SDK2: variants seen among roughly 807,000 people sequenced by gnomAD.
The protein encoded by SDK2 is sidekick cell adhesion molecule 2.
Under a neutral mutation model 253.9 loss-of-function variants are expected in SDK2, and 105 were observed. The ratio of observed to expected loss-of-function variants is 0.41; its 90% CI spans 0.35 to 0.49. The LOEUF is 0.49. Among genes scored for constraint, SDK2 ranks in the 20% least tolerant of loss-of-function variants. SDK2 has a pLI of 0.06. For synonymous variants in SDK2, 1,249 were observed against 1,234.9 expected (o/e 1.01, Z -0.24); for missense variants, 2,608 against 3,003.0 (o/e 0.87, Z 3.07).
chr17:73,386,110 A>T (rs889308393), intron 31 of SDK2, among the ~76,000 whole-genome samples, 193 bp from the exon 32 acceptor site: 1 of 152,082 alleles, frequency 6.6e-6, no homozygotes, highest in Non-Finnish European at 1.5e-5. Context: ...CTGTGAGCTG[A>T]CTCAGCCCAA....
In SDK2 at chr17:73,642,311, A is replaced by C. The variant is rs1462566918; in HGVS notation, c.64+1714T>G. On this transcript the variant is annotated intron_variant, in intron 1 of 44. Transcript: ENST00000392650. This position sits in a 1 kb window ranked among gnomAD's most constrained non-coding sequence, Gnocchi z 4.7. ...AATTGGTGAGCCACCTGCCCAGGGAAATCATACCATTGTTGAAAAGTCTGT... is the reference window on the plus strand; with the variant it reads ...AATTGGTGAGCCACCTGCCCAGGGACATCATACCATTGTTGAAAAGTCTGT... Among the ~76,000 whole-genome samples, 1 of 152,198 alleles carries C rather than the reference A, an allele frequency of 6.6e-6. No homozygotes were observed. The highest frequency in any genetic ancestry group is 1.5e-5 in the Non-Finnish European group (1 of 68,034).
At chr17:73,389,286 C>T (rs7223655) in intron 29 of SDK2, among the ~76,000 whole-genome samples, 51,613 of 148,602 alleles carry the variant, frequency 0.35, 10,289 homozygotes, top group African/African-American at 0.55. Flanking sequence ...CAGGTTCAAG[C>T]GATTCTTTTG....
chr17:73,614,176 C>CTG lies in SDK2; in HGVS notation c.64+29848_64+29849insCA, dbSNP rs2046017616. Among the ~76,000 whole-genome samples the CTG allele has an allele frequency of 3.3e-5, 5 of 152,204 alleles. No individual in the cohort carries two copies. The South Asian group carries it at 1.0e-3, about 32-fold the overall frequency. ...TTCATTTCCCAAGCATGCCAGGGCC[C>CTG]TTGCAGCCTCTAGGCCTTTGCCCTG... On this transcript the variant is annotated intron_variant, in intron 1 of 44. Coordinates refer to ENST00000392650, the MANE Select transcript of SDK2 (RefSeq NM_001144952.2).
At position 73,610,460 on chromosome 17, in the gene SDK2, G is replaced by C. The variant is rs188463087; in HGVS notation, c.64+33565C>G. ...AATTTTGGCCCAGCACGCATTCCAA[G>C]TGGCTGCAAATCCCAGTGACAGCAT... On this transcript the variant is annotated intron_variant, in intron 1 of 44. Coordinates refer to ENST00000392650, the MANE Select transcript of SDK2 (RefSeq NM_001144952.2). Among the ~76,000 whole-genome samples the C allele has an allele frequency of 8.5e-5, 13 of 152,316 alleles. No individual in the cohort carries two copies. The East Asian group carries it at 2.5e-3, about 29-fold the overall frequency.
rs1175644296 is a variant in SDK2 at position 73,390,467 on chromosome 17, G to A, written c.4012C>T (p.His1338Tyr). Residue 1338 changes from histidine to tyrosine, a missense_variant, in exon 29 of 45, where the codon CAC becomes TAC. Transcript: ENST00000392650. ...NGIILAYQIT[H>Y]RLNTTTANTA... is the part of the protein sequence containing the mutation. ...TTGGCCGTGGTGGTGTTGAGCCGGTGTGTGATCTGGTAAGCTGTGGGAAGG... is the reference window on the plus strand; with the variant it reads ...TTGGCCGTGGTGGTGTTGAGCCGGTATGTGATCTGGTAAGCTGTGGGAAGG... 1 of 1,611,900 alleles carries A rather than the reference G, an allele frequency of 6.2e-7. No individual in the cohort carries two copies. The highest frequency in any genetic ancestry group is 8.5e-7 in the Non-Finnish European group (1 of 1,178,902).
chr17:73,456,095 C>G (rs1348749064), intron 3 of SDK2, 42 bp from the exon 4 acceptor site: 1 of 1,446,064 alleles, frequency 6.9e-7, no homozygotes, highest in Non-Finnish European at 9.1e-7. Context: ...GGCGGGAGGT[C>G]AGCCTCAGGG....
chr17:73,388,469 G>A (rs570718456), intron 29 of SDK2, among the ~76,000 whole-genome samples: 13 of 152,148 alleles, frequency 8.5e-5, no homozygotes, highest in African/African-American at 2.2e-4. Context: ...CCCCAGCCTC[G>A]CTGCCCCGCC....
rs1344419717 is a variant in SDK2 at position 73,375,383 on chromosome 17, GCA to G, written c.4980+3792_4980+3793del. ...CCCACCCCGTTGGCTGGGACTACAG[GCA>G]TGTGCCACCACACCCGGCTAATTTT... On this transcript the variant is annotated intron_variant, in intron 36 of 44. Transcript: ENST00000392650. Among the ~76,000 whole-genome samples, 8 of 151,674 alleles carry G rather than the reference GCA, an allele frequency of 5.3e-5. No individual in the cohort carries two copies. In the South Asian group the frequency reaches 8.3e-4, roughly 16 times the overall value.
rs1007321244 is a variant in SDK2, at chr17:73,403,569, A to G, written c.2485-1428T>C. Among the ~76,000 whole-genome samples, 5 of 152,230 alleles carry G rather than the reference A, an allele frequency of 3.3e-5. No homozygotes were observed. The South Asian group carries it at 6.2e-4, about 19-fold the overall frequency. ...AAATAGCAATTAATGGTGAAAAGCA[A>G]CACTTGATGAGTTTTAATAAGCACG... On this transcript the variant is annotated intron_variant, in intron 18 of 44. Coordinates refer to ENST00000392650, the MANE Select transcript of SDK2 (RefSeq NM_001144952.2).
intron 1 of SDK2, among the ~76,000 whole-genome samples, chr17:73,589,096 A>G (rs1401501429): frequency 6.6e-6 from 1 of 152,284 alleles, no homozygotes; most frequent in Non-Finnish European, 1.5e-5. Flanking sequence ...CGAGCAAGAA[A>G]GACAAACTGC....
At position 73,431,085 on chromosome 17, in the gene SDK2, C is replaced by T. The variant is rs752987490; in HGVS notation, c.1480+417G>A. On this transcript the variant is annotated intron_variant, in intron 11 of 44. Transcript: ENST00000392650. This position sits in a 1 kb window ranked among gnomAD's most constrained non-coding sequence, Gnocchi z 5.6. ...ATAAACCCTTACTGGAACATAGCCA[C>T]GCCCATTGGATGACATACCGTCTGT... Among the ~76,000 whole-genome samples the T allele has an allele frequency of 6.6e-6, 1 of 152,220 alleles. No homozygotes were observed. Among genetic ancestry groups the T allele is most frequent in the Non-Finnish European group, 1.5e-5 (1 of 68,042 alleles).
At chr17:73,577,391 G>A (rs537276237) in intron 1 of SDK2, among the ~76,000 whole-genome samples, 2 of 152,312 alleles carry the variant, frequency 1.3e-5, no homozygotes, top group Non-Finnish European at 2.9e-5. Context: ...CACAGGCACT[G>A]GGCTGGGTCC....
At chr17:73,363,854 G>A (rs575210043) in intron 38 of SDK2, among the ~76,000 whole-genome samples, 3 of 151,982 alleles carry the variant, frequency 2.0e-5, no homozygotes, top group African/African-American at 7.2e-5. Flanking sequence ...GCCCCACTCC[G>A]GCCCTGCACC....
chr17:73,448,914 GCCTCTCAAAGTACTGGGAT>G (rs2145647046), intron 4 of SDK2, among the ~76,000 whole-genome samples: 1 of 152,244 alleles, frequency 6.6e-6, no homozygotes, highest in African/African-American at 2.4e-5. Context: ...GCCTGCCTTG[GCCTCTCAAAGTACTGGGAT>G]TACAGGTGTG....
At chr17:73,633,875 G>C (rs1345362561) in intron 1 of SDK2, among the ~76,000 whole-genome samples, 1 of 152,130 alleles carries the variant, frequency 6.6e-6, no homozygotes, top group Non-Finnish European at 1.5e-5. Flanking sequence ...GAGAACAGGG[G>C]TTCGAAAGGG....
At position 73,643,343 on chromosome 17, in the gene SDK2, G is replaced by C. The variant is rs932333500; in HGVS notation, c.64+682C>G. ...GCTGGAGGCAGGGGCGGGGATGCTG[G>C]GTGTGGGTGGATGGGTAGGAGGGGA... On this transcript the variant is annotated intron_variant, in intron 1 of 44. Transcript: ENST00000392650. The surrounding 1 kb of genome is among the most constrained non-coding windows in gnomAD (Gnocchi z 6.9). 1.3e-5 allele frequency among the ~76,000 whole-genome samples: 2 copies of C among 152,164 alleles called. No individual in the cohort carries two copies. The highest frequency in any genetic ancestry group is 1.3e-4 in the Admixed American group (2 of 15,282).
At chr17:73,370,878 C>T (rs752827228) in intron 36 of SDK2, among the ~76,000 whole-genome samples, 69 of 152,110 alleles carry the variant, frequency 4.5e-4, no homozygotes, top group Non-Finnish European at 9.4e-4. Flanking sequence ...GCCTGGGCAA[C>T]ATGGCAAGAC....
intron 1 of SDK2, among the ~76,000 whole-genome samples, chr17:73,574,269 T>G (rs1045133176): frequency 1.2e-4 from 18 of 152,352 alleles, no homozygotes; most frequent in African/African-American, 4.3e-4. Context: ...ATGTAATATC[T>G]ATTAATTTAG....
chr17:73,440,562 C>T (rs1749409289), intron 6 of SDK2, among the ~76,000 whole-genome samples: 1 of 152,206 alleles, frequency 6.6e-6, no homozygotes, highest in African/African-American at 2.4e-5. Context: ...CTGTACGTCC[C>T]AGGCTGACGT....
Sources: allele counts gnomAD v4.1 joint callset (sites outside exome capture counted in the v4.1 genomes callset), GRCh38; gene constraint gnomAD v4.1.1; non-coding constraint Gnocchi (gnomAD v3.1); transcripts MANE v1.5; gene names NCBI Gene and HGNC (gene_info 2026-07-23, HGNC 2026-07-21).